ITFG1: variants seen among roughly 807,000 people sequenced by gnomAD.
The protein encoded by ITFG1 is integrin alpha FG-GAP repeat containing 1.
Under a neutral mutation model 81.8 loss-of-function variants are expected in ITFG1, and 34 were observed. The observed-to-expected ratio is 0.42, with a 90% CI of 0.32 to 0.55. The LOEUF (loss-of-function observed/expected upper bound fraction) is 0.55, where lower values mean the gene tolerates loss of function less well. Among genes scored for constraint, ITFG1 ranks in the 20% least tolerant of loss-of-function variants. ITFG1 has a pLI of 0.17. For synonymous variants in ITFG1, 285 were observed against 270.6 expected (o/e 1.05, Z -0.52); for missense variants, 672 against 755.4 (o/e 0.89, Z 1.29).
intron 8 of ITFG1, among the ~76,000 whole-genome samples, chr16:47,345,335 C>T (rs953686645): frequency 2.0e-5 from 3 of 151,212 alleles, no homozygotes; most frequent in African/African-American, 7.3e-5. Flanking sequence ...GAGTCTCACT[C>T]TGTCGCCCAG....
chr16:47,252,495 C>G (rs986783311), intron 12 of ITFG1, among the ~76,000 whole-genome samples: 3 of 152,126 alleles, frequency 2.0e-5, no homozygotes, highest in Non-Finnish European at 4.4e-5. Flanking sequence ...GAGTTAAGTT[C>G]TAGACTAGAA....
chr16:47,181,413 C>A (rs1396543697), intron 14 of ITFG1, among the ~76,000 whole-genome samples: 10 of 144,192 alleles, frequency 6.9e-5, no homozygotes, highest in African/African-American at 1.3e-4. Flanking sequence ...GGGGGTCAGC[C>A]CCCCCGCCCG....
Position 47,384,519 on chromosome 16 carries a change from C to T in ITFG1, c.656-8579G>A, listed in dbSNP as rs547117263. On this transcript the variant is annotated intron_variant, in intron 6 of 17. Coordinates refer to ENST00000320640, the MANE Select transcript of ITFG1 (RefSeq NM_030790.5). ...TGAAATAACCTGTCTCTAAGGTTTC[C>T]GCACATTATTTCTGGAACATACTGG... Among the ~76,000 whole-genome samples the T allele has an allele frequency of 1.4e-4, 21 of 152,116 alleles. No individual in the cohort carries two copies. In the South Asian group the frequency reaches 1.5e-3, roughly 11 times the overall value.
intron 14 of ITFG1, among the ~76,000 whole-genome samples, chr16:47,203,448 T>C (rs1447135839): frequency 1.3e-5 from 2 of 152,196 alleles, no homozygotes; most frequent in African/African-American, 4.8e-5. Context: ...TGTAATGAAT[T>C]ATACAACTCA....
At chr16:47,300,822 T>C (rs1390391243) in intron 10 of ITFG1, among the ~76,000 whole-genome samples, 1 of 152,212 alleles carries the variant, frequency 6.6e-6, no homozygotes, top group East Asian at 1.9e-4. Flanking sequence ...TCTAGCATAA[T>C]GCTCCTTTGT....
At chr16:47,293,729 ATTGAG>A (rs1267403650) in intron 10 of ITFG1, among the ~76,000 whole-genome samples, 4 of 151,616 alleles carry the variant, frequency 2.6e-5, no homozygotes, top group East Asian at 2.0e-4. Context: ...TTGTTGTTGG[ATTGAG>A]TTATTTATAA....
intron 7 of ITFG1, among the ~76,000 whole-genome samples, chr16:47,369,371 T>C (rs1351512738): frequency 6.6e-6 from 1 of 152,214 alleles, no homozygotes; most frequent in Non-Finnish European, 1.5e-5. Context: ...CTTCAGTTCT[T>C]CAGTTGTTAG....
At chr16:47,187,267 C>A (rs916269787) in intron 14 of ITFG1, among the ~76,000 whole-genome samples, 2 of 152,042 alleles carry the variant, frequency 1.3e-5, no homozygotes, top group East Asian at 1.9e-4. Flanking sequence ...ACTACTTTAA[C>A]GTTCATATGG....
At chr16:47,213,918 A>G (rs754260006) in intron 14 of ITFG1, among the ~76,000 whole-genome samples, 4 of 152,212 alleles carry the variant, frequency 2.6e-5, no homozygotes, top group African/African-American at 4.8e-5. Flanking sequence ...CATTCCAGCA[A>G]ATGACTGAAC....
chr16:47,221,932 C>A (rs1428414808), intron 13 of ITFG1, among the ~76,000 whole-genome samples: 1 of 151,978 alleles, frequency 6.6e-6, no homozygotes, highest in African/African-American at 2.4e-5. Flanking sequence ...GTGGTTATAT[C>A]CCCTTTATCA....
At chr16:47,441,648 C>G (rs1205353230) in intron 5 of ITFG1, among the ~76,000 whole-genome samples, 3 of 152,136 alleles carry the variant, frequency 2.0e-5, no homozygotes, top group Non-Finnish European at 2.9e-5. Flanking sequence ...GCTAAAAACT[C>G]TCAATAAATT....
At chr16:47,340,770 A>G (rs1967770811) in intron 8 of ITFG1, among the ~76,000 whole-genome samples, 1 of 152,208 alleles carries the variant, frequency 6.6e-6, no homozygotes, top group East Asian at 1.9e-4. Context: ...TATGTTGTCT[A>G]TAAGAGACTC....
intron 14 of ITFG1, among the ~76,000 whole-genome samples, chr16:47,177,391 T>C (rs886360379): frequency 2.0e-5 from 3 of 152,204 alleles, no homozygotes; most frequent in Non-Finnish European, 2.9e-5. Context: ...GTGTATAGTA[T>C]TTGATATAAA....
At chr16:47,237,940 T>A (rs568012364) in intron 13 of ITFG1, 25 bp downstream of exon 13, 5 of 1,057,830 alleles carry the variant, frequency 4.7e-6, no homozygotes, top group Non-Finnish European at 7.0e-6. Context: ...ATAGACATAT[T>A]TATAACAGAT....
intron 6 of ITFG1, among the ~76,000 whole-genome samples, chr16:47,395,327 A>G (rs562586799): frequency 1.3e-5 from 2 of 152,328 alleles, no homozygotes; most frequent in East Asian, 3.9e-4. Context: ...GTCTAATTAG[A>G]TAAAAATAAA....
intron 8 of ITFG1, among the ~76,000 whole-genome samples, chr16:47,343,673 G>C (rs191760418): frequency 1.3e-5 from 2 of 152,142 alleles, no homozygotes; most frequent in Admixed American, 1.3e-4. Flanking sequence ...CATCTACTAG[G>C]AAGGCTCTAA....
intron 10 of ITFG1, among the ~76,000 whole-genome samples, chr16:47,270,786 G>GT (rs1320860294): frequency 6.6e-6 from 1 of 152,168 alleles, no homozygotes; most frequent in Non-Finnish European, 1.5e-5. Context: ...ATTATGCAGC[G>GT]TAAGAAAACC....
intron 14 of ITFG1, among the ~76,000 whole-genome samples, chr16:47,207,932 A>T (rs1017194673): frequency 1.3e-5 from 2 of 152,202 alleles, no homozygotes; most frequent in African/African-American, 4.8e-5. Flanking sequence ...TTACTGAATA[A>T]TTACTATGTA....
Position 47,350,872 on chromosome 16 carries a change from A to C in ITFG1, c.802+14916T>G, listed in dbSNP as rs529536795. On this transcript the variant is annotated intron_variant, in intron 8 of 17. Coordinates refer to ENST00000320640, the MANE Select transcript of ITFG1 (RefSeq NM_030790.5). The stretch of plus-strand genomic sequence containing the variant: ...ATCAAAAAGCTTATCCACCATGATC[A>C]AGTGGGCTTCATCCCTGGGATGGAA... Among the ~76,000 whole-genome samples the C allele has an allele frequency of 5.3e-5, 8 of 152,322 alleles. No individual in the cohort carries two copies. In the East Asian group the frequency reaches 1.5e-3, roughly 29 times the overall value.
Sources: gnomAD v4.1 joint callset for allele counts (sites outside exome capture counted in the v4.1 genomes callset) on GRCh38, gnomAD v4.1.1 for gene constraint, MANE v1.5 for transcripts, NCBI Gene and HGNC (gene_info 2026-07-23, HGNC 2026-07-21) for gene names.